Variants in BCKDHB observed in about 807,000 individuals in gnomAD.
BCKDHB encodes the protein branched chain keto acid dehydrogenase E1 subunit beta.
In BCKDHB, 41 loss-of-function variants were observed where a neutral mutation model predicts 48.5. The ratio of observed to expected loss-of-function variants is 0.85; its 90% CI spans 0.66 to 1.10. The LOEUF is 1.10. Among genes scored for constraint, BCKDHB ranks in the 50% least tolerant of loss-of-function variants. The probability of loss-of-function intolerance (pLI) is 0.00; values close to 1 mark genes in which losing one functional copy is unlikely to be tolerated. For missense variants in BCKDHB, 496 were observed against 494.2 expected, an observed-to-expected ratio of 1.00 and a Z score of -0.03; for synonymous variants, 201 against 174.8, an observed-to-expected ratio of 1.15 and a Z score of -1.18.
At chr6:80,124,501 T>C (rs147334919) in intron 1 of BCKDHB, among the ~76,000 whole-genome samples, 4 of 152,298 alleles carry the variant, frequency 2.6e-5, no homozygotes, top group African/African-American at 9.6e-5. Context: ...AGTGTTAAAG[T>C]CTCCCAATAT....
At chr6:80,261,932 T>C (rs1777323950) in intron 8 of BCKDHB, among the ~76,000 whole-genome samples, 1 of 152,190 alleles carries the variant, frequency 6.6e-6, no homozygotes, top group Non-Finnish European at 1.5e-5. Context: ...TTGTACAGGC[T>C]CATTTGCCCA....
the BCKDHB span, among the ~76,000 whole-genome samples, chr6:80,461,817 C>G: frequency 6.6e-6 from 1 of 152,102 alleles, no homozygotes; most frequent in Admixed American, 6.5e-5. Flanking sequence ...AATACACAAA[C>G]AGTTGTCCTT....
the BCKDHB span, among the ~76,000 whole-genome samples, chr6:80,358,793 T>C: frequency 6.6e-6 from 1 of 152,102 alleles, no homozygotes; most frequent in Non-Finnish European, 1.5e-5. Context: ...TAAATAGAGG[T>C]GGTGGCTGCA....
At chr6:80,161,343 A>G (rs1772308866) in intron 3 of BCKDHB, among the ~76,000 whole-genome samples, 2 of 152,164 alleles carry the variant, frequency 1.3e-5, no homozygotes, top group Non-Finnish European at 2.9e-5. Flanking sequence ...TGACATACAC[A>G]CTATTTAATA....
At chr6:80,247,412 T>C (rs945896137) in intron 8 of BCKDHB, among the ~76,000 whole-genome samples, 3 of 152,358 alleles carry the variant, frequency 2.0e-5, no homozygotes, top group African/African-American at 4.8e-5. Flanking sequence ...ATCAGCTACA[T>C]CCTTAAGGTT....
intron 1 of BCKDHB, among the ~76,000 whole-genome samples, chr6:80,111,544 A>G (rs1433857055): frequency 6.6e-6 from 1 of 152,170 alleles, no homozygotes; most frequent in African/African-American, 2.4e-5. Flanking sequence ...TGTGCAGATT[A>G]TCAGAGGCAA....
chr6:80,168,930 G>A lies in BCKDHB; in HGVS notation c.533G>A (p.Gly178Glu), dbSNP rs754229627. 1 of 1,614,158 alleles carries A rather than the reference G, an allele frequency of 6.2e-7. No individual in the cohort carries two copies. The highest frequency in any genetic ancestry group is 8.5e-7 in the Non-Finnish European group (1 of 1,180,006). ...CGCTCTGGGGATCTTTTTAACTGTG[G>A]AAGCCTCACTATCCGGTCCCCTTGG... ...RYRSGDLFNC[G>E]SLTIRSPWGC... The change falls in exon 5 of 10, where the codon GGA becomes GAA. Residue 178 changes from glycine (G) to glutamate (E), a missense_variant. Transcript: ENST00000320393.
chr6:80,337,866 T>G (rs1176449674), intron 9 of BCKDHB, among the ~76,000 whole-genome samples: 1 of 152,218 alleles, frequency 6.6e-6, no homozygotes, highest in African/African-American at 2.4e-5. Context: ...CTGTTTTGAC[T>G]TATGATATGT....
At chr6:80,352,726 A>G in the BCKDHB span, among the ~76,000 whole-genome samples, 1 of 152,160 alleles carries the variant, frequency 6.6e-6, no homozygotes, top group African/African-American at 2.4e-5. Flanking sequence ...TGTGACATAT[A>G]TTTCATATAT....
At chr6:80,148,359 C>G (rs887275829) in intron 3 of BCKDHB, among the ~76,000 whole-genome samples, 2 of 152,022 alleles carry the variant, frequency 1.3e-5, no homozygotes, top group African/African-American at 4.8e-5. Context: ...GTGTAGAAAC[C>G]TTTCTGCTTG....
chr6:80,323,928 AC>A (rs1768884290), intron 9 of BCKDHB, among the ~76,000 whole-genome samples: 1 of 151,976 alleles, frequency 6.6e-6, no homozygotes, highest in South Asian at 2.1e-4. Flanking sequence ...GCCCGCCACT[AC>A]GGCCGGCTAA....
At chr6:80,295,289 T>G (rs1271369892) in intron 9 of BCKDHB, among the ~76,000 whole-genome samples, 1 of 152,176 alleles carries the variant, frequency 6.6e-6, no homozygotes, top group Non-Finnish European at 1.5e-5. Context: ...AAGGATATAA[T>G]GGACTTACAC....
chr6:80,311,222 C>T lies in BCKDHB; in HGVS notation c.1039-32442C>T, dbSNP rs564487295. Among the ~76,000 whole-genome samples, 5 of 152,292 alleles carry T rather than the reference C, an allele frequency of 3.3e-5. No homozygotes were observed. The South Asian group carries it at 8.3e-4, about 25-fold the overall frequency. On this transcript the variant is annotated intron_variant, in intron 9 of 9. Coordinates refer to ENST00000320393, the MANE Select transcript of BCKDHB (RefSeq NM_183050.4). ...CATCTATGTAAGATGACTTGTTCCT[C>T]CTTGCCTTCCCCCATGATTGTGAGC... is the stretch of plus-strand genomic sequence containing the variant.
intron 6 of BCKDHB, among the ~76,000 whole-genome samples, chr6:80,200,698 T>C (rs1487494480): frequency 6.6e-6 from 1 of 152,208 alleles, no homozygotes; most frequent in Non-Finnish European, 1.5e-5. Flanking sequence ...TTCTAAAGTT[T>C]ATTTTTTTGT....
chr6:80,131,717 A>C (rs1396693103), intron 3 of BCKDHB, among the ~76,000 whole-genome samples: 1 of 151,390 alleles, frequency 6.6e-6, no homozygotes, highest in African/African-American at 2.4e-5. Flanking sequence ...ATCTTGGCTC[A>C]CTGCAGCCTC....
chr6:80,194,441 C>T (rs57813433), intron 6 of BCKDHB, among the ~76,000 whole-genome samples: 2,953 of 152,228 alleles, frequency 0.019, 94 homozygotes, highest in African/African-American at 0.067. Context: ...GTTAATTGCC[C>T]CACTAATGTC....
At chr6:80,152,469 A>G (rs1284812906) in intron 3 of BCKDHB, among the ~76,000 whole-genome samples, 1 of 152,220 alleles carries the variant, frequency 6.6e-6, no homozygotes, top group East Asian at 1.9e-4. Flanking sequence ...GAGGCTAACA[A>G]GCTTAAATAG....
chr6:80,443,020 G>T, the BCKDHB span, among the ~76,000 whole-genome samples: 1 of 152,140 alleles, frequency 6.6e-6, no homozygotes, highest in Non-Finnish European at 1.5e-5. Context: ...TGTGGCTGGG[G>T]TCTGAAGCCT....
At chr6:80,294,631 G>A (rs1035367573) in intron 9 of BCKDHB, among the ~76,000 whole-genome samples, 4 of 152,168 alleles carry the variant, frequency 2.6e-5, no homozygotes, top group African/African-American at 9.7e-5. Flanking sequence ...ACCACTCTGG[G>A]AGTGTCTGTC....
Sources: gnomAD v4.1 joint callset for allele counts (sites outside exome capture counted in the v4.1 genomes callset) on GRCh38, gnomAD v4.1.1 for gene constraint, MANE v1.5 for transcripts, NCBI Gene and HGNC (gene_info 2026-07-23, HGNC 2026-07-21) for gene names.